The following C4orf51 variants were observed in gnomAD, a reference collection of about 807,000 sequenced individuals.
C4orf51 encodes the protein chromosome 4 open reading frame 51, also known as uncharacterized protein C4orf51.
Under a neutral mutation model 25.2 loss-of-function variants are expected in C4orf51, and 25 were observed. The observed-to-expected ratio is 0.99, with a 90% CI of 0.72 to 1.39. The LOEUF is 1.39. C4orf51 is among the 40% of genes most tolerant of loss of function. The pLI, the probability that C4orf51 is intolerant of heterozygous loss-of-function variation, is 0.00. For missense variants in C4orf51, 252 were observed against 239.6 expected, an observed-to-expected ratio of 1.05 and a Z score of -0.34; for synonymous variants, 100 against 84.5, an observed-to-expected ratio of 1.18 and a Z score of -1.01.
chr4:145,681,066 T>C (rs1269384985), intron 1 of C4orf51, among the ~76,000 whole-genome samples: 1 of 151,744 alleles, frequency 6.6e-6, no homozygotes, highest in Non-Finnish European at 1.5e-5. Context: ...GCAGGCGAGG[T>C]GGGGAATGGA....
intron 2 of C4orf51, among the ~76,000 whole-genome samples, chr4:145,714,422 A>G (rs1003505043): frequency 7.9e-5 from 12 of 152,278 alleles, no homozygotes; most frequent in African/African-American, 2.4e-4. Context: ...TTTATTACCT[A>G]CAATCCTCAC....
At position 145,765,371 on chromosome 4, in the gene C4orf51, C is replaced by A. The variant is rs1388211000; in HGVS notation, n.167-5617C>A. Among the ~76,000 whole-genome samples the A allele has an allele frequency of 2.0e-5, 3 of 152,284 alleles. No individual in the cohort carries two copies. Among genetic ancestry groups the A allele is most frequent in the Middle Eastern group, 6.8e-3 (2 of 294 alleles). On this transcript the variant is annotated intron_variant and non_coding_transcript_variant, in intron 1 of 1. Transcript: ENST00000510096. This position sits in a 1 kb window ranked among gnomAD's most constrained non-coding sequence, Gnocchi z 4.7. ...AATGTCACCCTCCCCATCCTTCCAC[C>A]CCATACTCGGATTCAAATTAAGCCA...
downstream of C4orf51, among the ~76,000 whole-genome samples, chr4:145,754,651 T>C (rs191941102): frequency 2.4e-3 from 363 of 152,326 alleles, no homozygotes; most frequent in Non-Finnish European, 4.2e-3. Flanking sequence ...AGGAAAACTT[T>C]AAGCCGGGCG....
intron 1 of C4orf51, among the ~76,000 whole-genome samples, chr4:145,691,268 G>T (rs925883003): frequency 6.6e-6 from 1 of 152,150 alleles, no homozygotes; most frequent in Non-Finnish European, 1.5e-5. Context: ...AATCAGAATG[G>T]CTACTAATAA....
chr4:145,684,413 C>T (rs1403245741), intron 1 of C4orf51, among the ~76,000 whole-genome samples: 10 of 152,194 alleles, frequency 6.6e-5, no homozygotes, highest in Admixed American at 4.6e-4. Context: ...ACCCAGGAGG[C>T]GGAGCTTGCA....
intron 1 of C4orf51, among the ~76,000 whole-genome samples, chr4:145,747,128 G>A (rs1274693487): frequency 6.6e-6 from 1 of 151,898 alleles, no homozygotes; most frequent in Non-Finnish European, 1.5e-5. Context: ...AAAATATAAG[G>A]TCCTATCATC....
downstream of C4orf51, among the ~76,000 whole-genome samples, chr4:145,757,082 C>A (rs1043699303): frequency 6.6e-6 from 1 of 152,130 alleles, no homozygotes; most frequent in South Asian, 2.1e-4. Context: ...TTGAACTTAG[C>A]GTGTTTTTCA....
the C4orf51 span, chr4:145,779,315 G>C: frequency 6.4e-7 from 1 of 1,567,502 alleles, no homozygotes; most frequent in Non-Finnish European, 8.6e-7. Context: ...AGTTTCCGGA[G>C]AGTAAAGAAG....
the C4orf51 span, among the ~76,000 whole-genome samples, chr4:145,781,051 C>T: frequency 1.3e-5 from 2 of 151,848 alleles, no homozygotes; most frequent in South Asian, 4.2e-4. Flanking sequence ...AAAAATTTAG[C>T]CGGGCGTGGT....
At chr4:145,791,690 T>C in the C4orf51 span, among the ~76,000 whole-genome samples, 3 of 152,186 alleles carry the variant, frequency 2.0e-5, no homozygotes, top group Non-Finnish European at 4.4e-5. Context: ...GAAAGAGGAA[T>C]TATACATACG....
At chr4:145,746,040 C>A (rs1378143449) in intron 1 of C4orf51, among the ~76,000 whole-genome samples, 6 of 152,134 alleles carry the variant, frequency 3.9e-5, no homozygotes, top group African/African-American at 1.4e-4. Context: ...GTATTCAAAT[C>A]TTTTGCCCAT....
In C4orf51 at chr4:145,707,617, TC is replaced by T. The variant is rs1730892618; in HGVS notation, c.307+10986del. 2.0e-5 allele frequency among the ~76,000 whole-genome samples: 3 copies of T among 152,336 alleles called. No homozygotes were observed. In the South Asian group the frequency reaches 6.2e-4, roughly 32 times the overall value. ...CAGGTAAATATTAAGCACACACCCA[TC>T]ATGGAAAATATATTTTTGCCCTAAA... On this transcript the variant is annotated intron_variant, in intron 2 of 5. Transcript: ENST00000438731.
At chr4:145,743,340 G>A (rs1733199062) in intron 1 of C4orf51, among the ~76,000 whole-genome samples, 1 of 152,184 alleles carries the variant, frequency 6.6e-6, no homozygotes, top group South Asian at 2.1e-4. Flanking sequence ...ATCTTGTGAA[G>A]GCTTTCTTGC....
At position 145,740,169 on chromosome 4, in the gene C4orf51, G is replaced by A. The variant is rs151027193; in HGVS notation, n.167+7550G>A. On this transcript the variant is annotated intron_variant and non_coding_transcript_variant, in intron 1 of 1. Transcript: ENST00000508981. The stretch of plus-strand genomic sequence containing the variant: ...ATGTAAAGTTTCCTTCACTTTGTAT[G>A]TAACTAGGGCTCTATCTGTATCCAG... Among the ~76,000 whole-genome samples the A allele has an allele frequency of 7.3e-3, 1,005 of 138,156 alleles. 9 individuals are homozygous for A. Among genetic ancestry groups the A allele is most frequent in the African/African-American group, 0.026 (940 of 36,364 alleles). 90.6% of individuals were successfully genotyped at this position (138,156 alleles called of 152,430 possible).
downstream of C4orf51, among the ~76,000 whole-genome samples, chr4:145,772,847 A>G (rs545984118): frequency 4.6e-5 from 7 of 152,400 alleles, no homozygotes; most frequent in South Asian, 1.0e-3. Context: ...GAATCCTGCT[A>G]CATCAGAGAG....
At chr4:145,740,809 A>T (rs1458665780) in intron 1 of C4orf51, among the ~76,000 whole-genome samples, 1 of 152,224 alleles carries the variant, frequency 6.6e-6, no homozygotes, top group Non-Finnish European at 1.5e-5. Flanking sequence ...TTTCAATATG[A>T]TAATGTTTAT....
intron 2 of C4orf51, among the ~76,000 whole-genome samples, chr4:145,703,846 T>A (rs1235472810): frequency 6.6e-6 from 1 of 152,266 alleles, no homozygotes; most frequent in Non-Finnish European, 1.5e-5. Context: ...AGCCTAATTA[T>A]AGACGAGACT....
At chr4:145,694,328 A>G (rs148669609) in intron 1 of C4orf51, among the ~76,000 whole-genome samples, 85,906 of 140,478 alleles carry the variant, frequency 0.61, 27,431 homozygotes, top group African/African-American at 0.81. Context: ...GACGATGGGC[A>G]GCCAGGCAGA....
At chr4:145,695,971 T>C (rs1490489094) in intron 1 of C4orf51, among the ~76,000 whole-genome samples, 1 of 152,118 alleles carries the variant, frequency 6.6e-6, no homozygotes, top group Admixed American at 6.6e-5. Flanking sequence ...TGAGAACACA[T>C]GGACATAAAG....
Sources: gnomAD v4.1 joint callset for allele counts (sites outside exome capture counted in the v4.1 genomes callset) on GRCh38, gnomAD v4.1.1 for gene constraint, Gnocchi (gnomAD v3.1) non-coding constraint, MANE v1.5 for transcripts, NCBI Gene and HGNC (gene_info 2026-07-23, HGNC 2026-07-21) for gene names.